The following HIPK2 variants were observed in gnomAD, a reference collection of about 807,000 sequenced individuals.
HIPK2 encodes the protein homeodomain interacting protein kinase 2.
Under a neutral mutation model 113.7 loss-of-function variants are expected in HIPK2, and 27 were observed. The ratio of observed to expected loss-of-function variants is 0.24; its 90% CI spans 0.17 to 0.33. HIPK2 has a LOEUF of 0.33. HIPK2 is among the 10% of genes least tolerant of loss of function. HIPK2 has a pLI of 1.00. For missense variants in HIPK2, 1,257 were observed against 1,588.0 expected, an observed-to-expected ratio of 0.79 and a Z score of 3.54; for synonymous variants, 631 against 642.2, an observed-to-expected ratio of 0.98 and a Z score of 0.26.
chr7:139,760,656 A>C (rs1569485455), intron 1 of HIPK2, among the ~76,000 whole-genome samples: 1 of 152,224 alleles, frequency 6.6e-6, no homozygotes, highest in Non-Finnish European at 1.5e-5. Context: ...ATACCAGAAA[A>C]AGGGAGTTAA....
intron 1 of HIPK2, among the ~76,000 whole-genome samples, chr7:139,771,529 G>A (rs187679436): frequency 4.6e-5 from 7 of 152,222 alleles, no homozygotes; most frequent in Admixed American, 2.6e-4. Context: ...TGCATTAAAA[G>A]GAACAGTCAA....
chr7:139,635,339 C>T (rs1463395031), intron 2 of HIPK2, among the ~76,000 whole-genome samples: 1 of 152,214 alleles, frequency 6.6e-6, no homozygotes, highest in Non-Finnish European at 1.5e-5. Flanking sequence ...TGACTATGGG[C>T]CTGCCCTTCC....
Position 139,716,297 on chromosome 7 carries a change from G to A in HIPK2, c.738C>T (p.Ile246=), listed in dbSNP as rs766595970. The part of the protein sequence containing the change: ...YARQGQIEVS[I]LARLSTESAD... ...CACTCTCCGTGCTCAACCGGGCCAG[G>A]ATGCTCACTTCAATCTGACCTTGTC... is the stretch of plus-strand genomic sequence containing the variant. The change falls in exon 2 of 15, where the codon ATC becomes ATT. Residue 246 remains isoleucine, a synonymous_variant. Transcript: ENST00000406875. The surrounding 1 kb of genome is among the most constrained non-coding windows in gnomAD (Gnocchi z 9.3). The A allele has an allele frequency of 1.2e-6, 2 of 1,614,102 alleles. No homozygotes were observed. Among genetic ancestry groups the A allele is most frequent in the African/African-American group, 2.7e-5 (2 of 74,932 alleles).
intron 2 of HIPK2, among the ~76,000 whole-genome samples, chr7:139,666,138 G>A (rs371446021): frequency 5.3e-4 from 81 of 152,136 alleles, no homozygotes; most frequent in South Asian, 1.5e-3. Context: ...AGCCTGTTTC[G>A]GGAGACTGCC....
intron 1 of HIPK2, among the ~76,000 whole-genome samples, chr7:139,756,059 A>C (rs1206558253): frequency 6.6e-6 from 1 of 152,246 alleles, no homozygotes; most frequent in East Asian, 1.9e-4. Flanking sequence ...GAACGAATGA[A>C]TCAGTCAACC....
At chr7:139,725,318 A>G (rs186565030) in intron 1 of HIPK2, among the ~76,000 whole-genome samples, 27 of 152,308 alleles carry the variant, frequency 1.8e-4, no homozygotes, top group South Asian at 1.2e-3. Context: ...TGCAATTAGA[A>G]AGATGGGGCA....
chr7:139,597,068 T>A, intron 11 of HIPK2, 70 bp from the exon 12 acceptor site: 1 of 1,492,328 alleles, frequency 6.7e-7, no homozygotes, highest in Non-Finnish European at 9.0e-7. Context: ...AGGAGCCCAA[T>A]TGCCTAGAAA....
intron 2 of HIPK2, among the ~76,000 whole-genome samples, chr7:139,638,229 G>C (rs150468642): frequency 6.6e-6 from 1 of 152,128 alleles, no homozygotes; most frequent in African/African-American, 2.4e-5. Context: ...TCTTGCCTTT[G>C]GTTTTAACCT....
intron 7 of HIPK2, among the ~76,000 whole-genome samples, chr7:139,618,252 G>A (rs919679185): frequency 6.6e-6 from 1 of 152,222 alleles, no homozygotes; most frequent in Admixed American, 6.5e-5. Flanking sequence ...TTAGCTATTA[G>A]TAATGATGTT....
rs184961388 is a variant in HIPK2, at chr7:139,711,523, C to T, written c.1103+4409G>A. 6.5e-3 allele frequency among the ~76,000 whole-genome samples: 995 copies of T among 152,182 alleles called. 6 individuals are homozygous for T. The highest frequency in any genetic ancestry group is 0.017 in the Middle Eastern group (5 of 294). On this transcript the variant is annotated intron_variant, in intron 2 of 14. Transcript: ENST00000406875. ...TCAATTTTTGGGTCCTGGTAACAGT[C>T]CTACGTGTTTCAAAAAACTCTAGAC... is the stretch of plus-strand genomic sequence containing the variant.
chr7:139,603,877 A>G (rs183438691), intron 10 of HIPK2, among the ~76,000 whole-genome samples: 2 of 152,196 alleles, frequency 1.3e-5, no homozygotes, highest in East Asian at 3.9e-4. Flanking sequence ...AATGAAACTG[A>G]TTTTCTTGTA....
chr7:139,775,236 T>C (rs929605929), intron 1 of HIPK2, among the ~76,000 whole-genome samples: 1 of 152,172 alleles, frequency 6.6e-6, no homozygotes, highest in Admixed American at 6.5e-5. Flanking sequence ...GTGCTCTGAT[T>C]GAGACAGGGG....
chr7:139,664,427 C>T (rs1017761795), intron 2 of HIPK2, among the ~76,000 whole-genome samples: 2 of 152,088 alleles, frequency 1.3e-5, no homozygotes, highest in Admixed American at 1.3e-4. Context: ...ATCCCAGCTA[C>T]TAGGGAGGCT....
At chr7:139,619,205 AG>A (rs1325107029) in intron 7 of HIPK2, among the ~76,000 whole-genome samples, 3 of 152,186 alleles carry the variant, frequency 2.0e-5, no homozygotes, top group Non-Finnish European at 4.4e-5. Context: ...GCTGAAAAGC[AG>A]GGGGCAGTGA....
At chr7:139,652,909 G>A (rs1344092295) in intron 2 of HIPK2, among the ~76,000 whole-genome samples, 1 of 152,096 alleles carries the variant, frequency 6.6e-6, no homozygotes, top group Admixed American at 6.5e-5. Flanking sequence ...TTGGGAGGCC[G>A]GGGTGGGTGG....
At position 139,589,994 on chromosome 7, in the gene HIPK2, C is replaced by T. The variant is rs114861424; in HGVS notation, c.2718-5930G>A. Among the ~76,000 whole-genome samples, 752 of 152,328 alleles carry T rather than the reference C, an allele frequency of 4.9e-3. 7 individuals carry two copies. The highest frequency in any genetic ancestry group is 0.017 in the African/African-American group (704 of 41,570). ...TCTTCCATTGTTAGAAAGCTCTGCG[C>T]TCTACCTGAACACACTATGCAGATT... On this transcript the variant is annotated intron_variant, in intron 12 of 14. Transcript: ENST00000406875.
At chr7:139,647,714 G>A (rs969657007) in intron 2 of HIPK2, among the ~76,000 whole-genome samples, 8 of 152,126 alleles carry the variant, frequency 5.3e-5, no homozygotes, top group African/African-American at 1.9e-4. Flanking sequence ...AGATAGGGAG[G>A]AGGCAGCTAG....
At chr7:139,756,874 C>G (rs186579479) in intron 1 of HIPK2, among the ~76,000 whole-genome samples, 8 of 152,320 alleles carry the variant, frequency 5.3e-5, no homozygotes, top group Admixed American at 5.2e-4. Flanking sequence ...CAAATCTTAG[C>G]TGATAGCACT....
intron 2 of HIPK2, among the ~76,000 whole-genome samples, chr7:139,693,940 T>A (rs1794489675): frequency 6.6e-6 from 1 of 152,214 alleles, no homozygotes; most frequent in Non-Finnish European, 1.5e-5. Context: ...AAAGGAGTGA[T>A]AATCCAACTC....
Sources: gnomAD v4.1 joint callset for allele counts (sites outside exome capture counted in the v4.1 genomes callset) on GRCh38, gnomAD v4.1.1 for gene constraint, Gnocchi (gnomAD v3.1) non-coding constraint, MANE v1.5 for transcripts, NCBI Gene and HGNC (gene_info 2026-07-23, HGNC 2026-07-21) for gene names.